The following ITPR2 variants were observed in gnomAD, a reference collection of about 807,000 sequenced individuals.
ITPR2 encodes inositol 1,4,5-trisphosphate-gated calcium channel ITPR2.
Under a neutral mutation model 317.1 loss-of-function variants are expected in ITPR2, and 207 were observed. The ratio of observed to expected loss-of-function variants is 0.65; its 90% CI spans 0.58 to 0.73. The LOEUF is 0.73. Ranked by LOEUF, ITPR2 falls within the 30% of genes least tolerant of loss-of-function variation. The pLI is 0.00. For synonymous variants in ITPR2, 1,156 were observed against 1,149.1 expected, an observed-to-expected ratio of 1.01 and a Z score of -0.12; for missense variants, 2,613 against 3,284.0, an observed-to-expected ratio of 0.80 and a Z score of 4.99.
intron 45 of ITPR2, among the ~76,000 whole-genome samples, chr12:26,450,343 T>A (rs1344449832): frequency 6.6e-6 from 1 of 152,186 alleles, no homozygotes; most frequent in East Asian, 1.9e-4. Flanking sequence ...ATTCTATTCA[T>A]CTCTTTCTTC....
At chr12:26,475,892 G>A (rs114034850) in intron 44 of ITPR2, among the ~76,000 whole-genome samples, 241 of 152,300 alleles carry the variant, frequency 1.6e-3, no homozygotes, top group South Asian at 6.2e-3. Flanking sequence ...CTGAGGAAGC[G>A]CAGAGCAGGG....
chr12:26,717,175 T>C (rs1461128714), intron 5 of ITPR2, among the ~76,000 whole-genome samples: 1 of 152,186 alleles, frequency 6.6e-6, no homozygotes, highest in Non-Finnish European at 1.5e-5. Context: ...TCCCTTTGTA[T>C]ATTTTATACC....
chr12:26,695,531 T>A lies in ITPR2; in HGVS notation c.996+75A>T. Reference sequence around the variant, plus strand: ...GAGCCCCTAGTCTTCAAATTTGCTATTAAAATTCCAATCTATCCATATAAA... The same window carrying A: ...GAGCCCCTAGTCTTCAAATTTGCTAATAAAATTCCAATCTATCCATATAAA... On this transcript the variant is annotated intron_variant, in intron 10 of 56. Transcript: ENST00000381340. The A allele has an allele frequency of 2.3e-6, 3 of 1,282,742 alleles. No homozygotes were observed. The South Asian group carries it at 3.7e-5, about 16-fold the overall frequency. The allele number at this position is 1,282,742 out of a possible 1,614,324, so 79.5% of individuals were successfully genotyped here.
Position 26,632,382 on chromosome 12 carries a change from A to G in ITPR2, c.2741-323T>C, listed in dbSNP as rs1231144853. Among the ~76,000 whole-genome samples, 8 of 152,188 alleles carry G rather than the reference A, an allele frequency of 5.3e-5. No homozygotes were observed. In the East Asian group the frequency reaches 1.3e-3, roughly 26 times the overall value. ...AGTATGTCCTACTAACTGTCATACC[A>G]ATAGGCCCTTGCTTTTACAATAATG... On this transcript the variant is annotated intron_variant, in intron 21 of 56. Coordinates refer to ENST00000381340, the MANE Select transcript of ITPR2 (RefSeq NM_002223.4).
At chr12:26,501,690 C>A (rs1943076469) in intron 37 of ITPR2, among the ~76,000 whole-genome samples, 1 of 152,144 alleles carries the variant, frequency 6.6e-6, no homozygotes, top group African/African-American at 2.4e-5. Flanking sequence ...AATGTTAGAT[C>A]CAAATATTCA....
intron 55 of ITPR2, among the ~76,000 whole-genome samples, chr12:26,381,176 G>C (rs560209583): frequency 6.6e-6 from 1 of 152,316 alleles, no homozygotes; most frequent in South Asian, 2.1e-4. Flanking sequence ...TCAGCCCTCT[G>C]ATTTGGGTCA....
At chr12:26,506,102 C>T (rs1168055261) in intron 37 of ITPR2, among the ~76,000 whole-genome samples, 1 of 151,762 alleles carries the variant, frequency 6.6e-6, no homozygotes, top group Non-Finnish European at 1.5e-5. Flanking sequence ...GTATTACTGG[C>T]TCATGCCTGT....
chr12:26,687,344 G>A (rs1230317514), intron 10 of ITPR2, among the ~76,000 whole-genome samples: 2 of 152,156 alleles, frequency 1.3e-5, no homozygotes, highest in Non-Finnish European at 2.9e-5. Flanking sequence ...AACAAGGGAT[G>A]CAATATAAGC....
At chr12:26,511,777 C>T (rs911785095) in intron 37 of ITPR2, among the ~76,000 whole-genome samples, 6 of 152,202 alleles carry the variant, frequency 3.9e-5, no homozygotes, top group Admixed American at 2.6e-4. Context: ...TTGGGACATG[C>T]GTGAGGCCAA....
chr12:26,653,412 T>C (rs1167632415), intron 21 of ITPR2, among the ~76,000 whole-genome samples: 1 of 152,132 alleles, frequency 6.6e-6, no homozygotes, highest in African/African-American at 2.4e-5. Flanking sequence ...CAGCTAATTT[T>C]TGCATTTTTA....
chr12:26,714,201 C>G lies in ITPR2; in HGVS notation c.855+1098G>C, dbSNP rs970790492. 3.3e-4 allele frequency among the ~76,000 whole-genome samples: 50 copies of G among 152,216 alleles called. 1 individual carries two copies. The highest frequency in any genetic ancestry group is 8.8e-5 in the Non-Finnish European group (6 of 68,034). ...CATCTTACTTCCTCATTTTCTGCAT[C>G]TCGTCGGTAATTTGCCTAAAGTATT... On this transcript the variant is annotated intron_variant, in intron 8 of 56. Transcript: ENST00000381340.
intron 26 of ITPR2, among the ~76,000 whole-genome samples, chr12:26,616,626 ATAGAG>A (rs1946380272): frequency 2.6e-5 from 4 of 152,210 alleles, no homozygotes; most frequent in Admixed American, 2.0e-4. Flanking sequence ...ACATAAAACG[ATAGAG>A]TATAGTAGGA....
chr12:26,650,936 G>A (rs1947237473), intron 21 of ITPR2, among the ~76,000 whole-genome samples: 1 of 152,080 alleles, frequency 6.6e-6, no homozygotes, highest in South Asian at 2.1e-4. Flanking sequence ...TTTATAAAAT[G>A]TTCAATTTAC....
intron 48 of ITPR2, among the ~76,000 whole-genome samples, chr12:26,435,759 A>C (rs1194947715): frequency 6.6e-6 from 1 of 152,202 alleles, no homozygotes; most frequent in Non-Finnish European, 1.5e-5. Flanking sequence ...TAATTATCTT[A>C]AGAATCCCTG....
At chr12:26,715,619 T>C in intron 7 of ITPR2, 133 bp downstream of exon 7, 1 of 763,782 alleles carries the variant, frequency 1.3e-6, no homozygotes, top group Non-Finnish European at 2.1e-6. Context: ...AGTAAAACAC[T>C]TAGAGTAAGT....
chr12:26,520,256 T>C (rs941955248), intron 37 of ITPR2, among the ~76,000 whole-genome samples: 6 of 152,198 alleles, frequency 3.9e-5, no homozygotes, highest in Non-Finnish European at 8.8e-5. Context: ...CTTTGCTGGC[T>C]ACATCTAGGA....
At chr12:26,481,929 G>T (rs1265394122) in intron 42 of ITPR2, among the ~76,000 whole-genome samples, 2 of 152,202 alleles carry the variant, frequency 1.3e-5, no homozygotes, top group Admixed American at 1.3e-4. Flanking sequence ...TGAAGGTTAA[G>T]ATCGACCATG....
intron 2 of ITPR2, among the ~76,000 whole-genome samples, chr12:26,728,315 G>A (rs1002675970): frequency 2.6e-5 from 4 of 152,148 alleles, no homozygotes; most frequent in Non-Finnish European, 1.5e-5. Flanking sequence ...GGCGGGAAAA[G>A]GTCAAGGAGG....
At chr12:26,451,868 GT>G in intron 45 of ITPR2, among the ~76,000 whole-genome samples, 1 of 152,214 alleles carries the variant, frequency 6.6e-6, no homozygotes, top group East Asian at 1.9e-4. Context: ...ACTTAGGGCA[GT>G]TTTTAGTAAG....
Sources: gnomAD v4.1 joint callset for allele counts (sites outside exome capture counted in the v4.1 genomes callset) on GRCh38, gnomAD v4.1.1 for gene constraint, MANE v1.5 for transcripts, NCBI Gene and HGNC (gene_info 2026-07-23, HGNC 2026-07-21) for gene names.